SH3GL3: variants seen among roughly 807,000 people sequenced by gnomAD.
SH3GL3 encodes endophilin-A3.
SH3GL3 carries 33 observed loss-of-function variants against 47.7 expected under a neutral mutation model. That is an observed-to-expected ratio of 0.69 (90% CI 0.52 to 0.92). SH3GL3 has a LOEUF of 0.92. Ranked by LOEUF, SH3GL3 falls within the 40% of genes least tolerant of loss-of-function variation. The pLI is 0.00. For synonymous variants in SH3GL3, 155 were observed against 148.8 expected (o/e 1.04, Z -0.30); for missense variants, 363 against 417.8 (o/e 0.87, Z 1.14).
chr15:83,448,020 A>G lies in SH3GL3; in HGVS notation c.45+442A>G, dbSNP rs1391578123. ...TCCTCCACCGGCCACCGGCGCCTCC[A>G]GAGATGCTGTGTATTTGGCGCTTGG... On this transcript the variant is annotated intron_variant, in intron 1 of 8. Coordinates refer to ENST00000427482, the MANE Select transcript of SH3GL3 (RefSeq NM_003027.5). The surrounding 1 kb of genome is among the most constrained non-coding windows in gnomAD (Gnocchi z 4.2). Among the ~76,000 whole-genome samples, 2 of 152,058 alleles carry G rather than the reference A, an allele frequency of 1.3e-5. No individual in the cohort carries two copies. Among genetic ancestry groups the G allele is most frequent in the Non-Finnish European group, 2.9e-5 (2 of 67,994 alleles).
the SH3GL3 span, among the ~76,000 whole-genome samples, chr15:83,626,096 T>A: frequency 6.6e-6 from 1 of 152,254 alleles, no homozygotes; most frequent in Non-Finnish European, 1.5e-5. Context: ...CCTCCCAAAG[T>A]GCTGAGATTA....
intron 1 of SH3GL3, among the ~76,000 whole-genome samples, chr15:83,464,431 T>C (rs1329576004): frequency 6.6e-6 from 1 of 152,192 alleles, no homozygotes; most frequent in African/African-American, 2.4e-5. Flanking sequence ...AATCTATACA[T>C]TGATTTCTCT....
intron 5 of SH3GL3, 83 bp downstream of exon 5, chr15:83,572,781 T>C (rs2059575317): frequency 1.0e-6 from 1 of 1,003,716 alleles, no homozygotes; most frequent in Non-Finnish European, 1.5e-6. Flanking sequence ...TTCAGCAGAC[T>C]GAAAGCATCA....
At chr15:83,558,016 G>A (rs1352449096) in intron 1 of SH3GL3, among the ~76,000 whole-genome samples, 6 of 152,176 alleles carry the variant, frequency 3.9e-5, no homozygotes, top group Non-Finnish European at 7.3e-5. Flanking sequence ...TACCGCATGT[G>A]TAATAGTAGT....
intron 1 of SH3GL3, among the ~76,000 whole-genome samples, chr15:83,465,893 G>C (rs1198555732): frequency 6.6e-6 from 1 of 151,952 alleles, no homozygotes; most frequent in Non-Finnish European, 1.5e-5. Flanking sequence ...CCTTTATTCA[G>C]TTTCCCCCAG....
At chr15:83,589,205 G>T (rs1419277619) in intron 8 of SH3GL3, among the ~76,000 whole-genome samples, 1 of 150,832 alleles carries the variant, frequency 6.6e-6, no homozygotes, top group Non-Finnish European at 1.5e-5. Context: ...TAATCAAACA[G>T]AAAAAAAAAT....
chr15:83,485,918 A>G (rs998624908), intron 1 of SH3GL3, among the ~76,000 whole-genome samples: 1 of 152,264 alleles, frequency 6.6e-6, no homozygotes, highest in African/African-American at 2.4e-5. Flanking sequence ...CCCATCACAT[A>G]GATTAACAGG....
intron 6 of SH3GL3, among the ~76,000 whole-genome samples, chr15:83,580,762 C>A (rs1187445347): frequency 1.3e-5 from 2 of 152,214 alleles, no homozygotes; most frequent in Non-Finnish European, 2.9e-5. Context: ...CACCCAGATA[C>A]AGCCTGAGAC....
intron 1 of SH3GL3, among the ~76,000 whole-genome samples, chr15:83,450,765 T>C (rs907840289): frequency 2.9e-5 from 4 of 140,270 alleles, no homozygotes; most frequent in Admixed American, 7.3e-5. Flanking sequence ...TTTTCTTTTT[T>C]TTTTTTTTTA....
rs553674429 is a variant in SH3GL3, at chr15:83,591,076, C to T, written c.838+2305C>T. Among the ~76,000 whole-genome samples, 8 of 152,228 alleles carry T rather than the reference C, an allele frequency of 5.3e-5. No homozygotes were observed. The South Asian group carries it at 1.5e-3, about 28-fold the overall frequency. ...AGGCTGGAGTAGAGTGGTGCAATCT[C>T]GGCTCACTGCAACCTCCGCCTCCCA... On this transcript the variant is annotated intron_variant, in intron 8 of 8. Coordinates refer to ENST00000427482, the MANE Select transcript of SH3GL3 (RefSeq NM_003027.5).
At chr15:83,537,155 T>C (rs954495524) in intron 1 of SH3GL3, among the ~76,000 whole-genome samples, 4 of 152,106 alleles carry the variant, frequency 2.6e-5, no homozygotes, top group Non-Finnish European at 5.9e-5. Flanking sequence ...GGTTTTACCT[T>C]GGAATGCAGG....
chr15:83,602,734 C>T (rs903751959), intron 8 of SH3GL3, among the ~76,000 whole-genome samples: 20 of 152,224 alleles, frequency 1.3e-4, no homozygotes, highest in African/African-American at 3.4e-4. Flanking sequence ...TCAAGGACCC[C>T]CTACCCTGGC....
chr15:83,478,932 A>G (rs1323366169), intron 1 of SH3GL3, among the ~76,000 whole-genome samples: 2 of 152,230 alleles, frequency 1.3e-5, no homozygotes, highest in Non-Finnish European at 2.9e-5. Flanking sequence ...TTAAAACCAA[A>G]TGTTATAAGC....
At chr15:83,478,889 T>C (rs978836356) in intron 1 of SH3GL3, among the ~76,000 whole-genome samples, 2 of 152,212 alleles carry the variant, frequency 1.3e-5, no homozygotes, top group African/African-American at 2.4e-5. Flanking sequence ...TCCACTGACC[T>C]CCTGCCTGGA....
intron 2 of SH3GL3, among the ~76,000 whole-genome samples, chr15:83,561,246 A>G (rs143792862): frequency 0.044 from 6,760 of 152,228 alleles, 207 homozygotes; most frequent in Admixed American, 0.068. Flanking sequence ...AGAAAAAAAA[A>G]CTCGATAAAT....
At chr15:83,460,784 T>C (rs2040255131) in intron 1 of SH3GL3, among the ~76,000 whole-genome samples, 1 of 152,156 alleles carries the variant, frequency 6.6e-6, no homozygotes, top group Non-Finnish European at 1.5e-5. Context: ...CTGGTTGTTA[T>C]CTTAAAATAC....
chr15:83,487,407 C>T (rs1186364575), intron 1 of SH3GL3, among the ~76,000 whole-genome samples: 1 of 151,900 alleles, frequency 6.6e-6, no homozygotes, highest in East Asian at 1.9e-4. Context: ...TCTCTTTTTT[C>T]CGTCTGTTTA....
At chr15:83,526,477 T>C (rs1052650286) in intron 1 of SH3GL3, among the ~76,000 whole-genome samples, 1 of 152,148 alleles carries the variant, frequency 6.6e-6, no homozygotes, top group Non-Finnish European at 1.5e-5. Flanking sequence ...CGGAATACAA[T>C]GCAGCCTTAA....
chr15:83,579,075 C>A (rs1467886065), intron 6 of SH3GL3, among the ~76,000 whole-genome samples: 1 of 152,184 alleles, frequency 6.6e-6, no homozygotes, highest in Non-Finnish European at 1.5e-5. Context: ...CTCAGTTTTC[C>A]CCCTCAGTAT....
Sources: allele counts gnomAD v4.1 joint callset (sites outside exome capture counted in the v4.1 genomes callset), GRCh38; gene constraint gnomAD v4.1.1; non-coding constraint Gnocchi (gnomAD v3.1); transcripts MANE v1.5; gene names NCBI Gene and HGNC (gene_info 2026-07-23, HGNC 2026-07-21).